The following NRG1 variants were observed in gnomAD, a reference collection of about 807,000 sequenced individuals.
NRG1 encodes pro-neuregulin-1, membrane-bound isoform.
NRG1 carries 18 observed loss-of-function variants against 63.8 expected under a neutral mutation model. The ratio of observed to expected loss-of-function variants is 0.28; its 90% CI spans 0.19 to 0.42. The LOEUF is 0.42. Among genes scored for constraint, NRG1 ranks in the 10% least tolerant of loss-of-function variants. The pLI is 1.00. For synonymous variants in NRG1, 302 were observed against 301.3 expected, an observed-to-expected ratio of 1.00 and a Z score of -0.02; for missense variants, 762 against 814.7, an observed-to-expected ratio of 0.94 and a Z score of 0.79.
intron 1 of NRG1, among the ~76,000 whole-genome samples, chr8:32,586,079 C>T (rs1367304332): frequency 2.0e-5 from 3 of 151,494 alleles, no homozygotes; most frequent in African/African-American, 4.8e-5. Context: ...GAGCATAAAG[C>T]TCTTAGAACA....
At chr8:32,092,588 G>C (rs184779059) in intron 1 of NRG1, among the ~76,000 whole-genome samples, 1 of 152,086 alleles carries the variant, frequency 6.6e-6, no homozygotes, top group Non-Finnish European at 1.5e-5. Flanking sequence ...CGGGAGCTCC[G>C]GGCTCAGAAG....
At chr8:32,607,347 G>C (rs539853985) in intron 3 of NRG1, among the ~76,000 whole-genome samples, 1 of 152,130 alleles carries the variant, frequency 6.6e-6, no homozygotes, top group East Asian at 1.9e-4. Context: ...CACTGGCTTG[G>C]TTCAGTGTGT....
intron 1 of NRG1, among the ~76,000 whole-genome samples, chr8:32,286,489 C>T (rs953096646): frequency 6.6e-6 from 1 of 152,166 alleles, no homozygotes; most frequent in Non-Finnish European, 1.5e-5. Context: ...AACTTGATCC[C>T]TACAGTTATA....
At chr8:32,350,992 C>G (rs911053234) in intron 1 of NRG1, among the ~76,000 whole-genome samples, 1 of 152,176 alleles carries the variant, frequency 6.6e-6, no homozygotes, top group African/African-American at 2.4e-5. Flanking sequence ...ACTTCTTACT[C>G]TTTCCATTCC....
intron 1 of NRG1, among the ~76,000 whole-genome samples, chr8:31,676,896 A>G (rs1207550425): frequency 6.6e-6 from 1 of 152,202 alleles, no homozygotes; most frequent in African/African-American, 2.4e-5. Flanking sequence ...AATGCATACA[A>G]AGTGTCTCAC....
At position 32,698,214 on chromosome 8, in the gene NRG1, AAAT is replaced by A. The variant is rs1468749982; in HGVS notation, c.503-29733_503-29731del. Among the ~76,000 whole-genome samples, 204 of 152,220 alleles carry A rather than the reference AAAT, an allele frequency of 1.3e-3. 1 individual carries two copies. Among genetic ancestry groups the A allele is most frequent in the African/African-American group, 4.7e-3 (194 of 41,512 alleles). ...CGAGACTCCATCTCAAAAAAAAAAA[AAAT>A]ATATGAAAAGGTAACAGCAATTTTC... On this transcript the variant is annotated intron_variant, in intron 5 of 11. Coordinates refer to ENST00000356819, the Ensembl canonical transcript of NRG1.
intron 5 of NRG1, among the ~76,000 whole-genome samples, chr8:32,719,627 C>T (rs567446413): frequency 6.6e-6 from 1 of 152,200 alleles, no homozygotes; most frequent in South Asian, 2.1e-4. Flanking sequence ...GAATCAGGAT[C>T]TGAATAAAAT....
chr8:31,990,721 T>C (rs1036519226), intron 1 of NRG1, among the ~76,000 whole-genome samples: 5 of 152,140 alleles, frequency 3.3e-5, no homozygotes, highest in Admixed American at 3.3e-4. Context: ...TCTTCCTTTG[T>C]GGTCATTCTA....
chr8:32,599,923 TA>T (rs372434402), intron 2 of NRG1, among the ~76,000 whole-genome samples: 135 of 152,352 alleles, frequency 8.9e-4, no homozygotes, highest in African/African-American at 3.2e-3. Context: ...CCTCTATTTT[TA>T]CTGGTTGCTT....
At chr8:32,105,813 TTAA>T (rs1012558237) in intron 1 of NRG1, among the ~76,000 whole-genome samples, 1 of 152,176 alleles carries the variant, frequency 6.6e-6, no homozygotes, top group Non-Finnish European at 1.5e-5. Flanking sequence ...TGTATTATCA[TTAA>T]TAATAATTTA....
In NRG1 at chr8:32,760,291, A is replaced by G. The variant is rs752567031; in HGVS notation, c.1144A>G (p.Thr382Ala). The G allele has an allele frequency of 1.6e-5, 26 of 1,614,062 alleles. No homozygotes were observed. The Middle Eastern group carries it at 2.3e-3, about 143-fold the overall frequency. ...AGAAAACAGTAGGCACAGCAGCCCA[A>G]CTGGGGGCCCAAGAGGACGTCTTAA... The change falls in exon 11 of 12, where the codon ACT (threonine) becomes GCT (alanine). Residue 382 changes from threonine (T) to alanine (A), a missense_variant. Thr to Ala is a moderately conservative substitution (Grantham distance 58). Transcript: ENST00000356819.
At position 32,464,281 on chromosome 8, in the gene NRG1, C is replaced by CT. The variant is rs1457866725; in HGVS notation, c.38-131547_38-131546insT. On this transcript the variant is annotated intron_variant, in intron 1 of 10. Transcript: ENST00000519301. The stretch of plus-strand genomic sequence containing the variant: ...TTCCCTAATTTAAACTTATCCCCAC[C>CT]CCCCCCCACCCCACCATGATGTCGT... Among the ~76,000 whole-genome samples, 66 of 122,866 alleles carry CT rather than the reference C, an allele frequency of 5.4e-4. 2 individuals carry two copies. Among genetic ancestry groups the CT allele is most frequent in the Non-Finnish European group, 9.6e-4 (57 of 59,206 alleles). 80.6% of individuals were successfully genotyped at this position (122,866 alleles called of 152,430 possible).
intron 6 of NRG1, among the ~76,000 whole-genome samples, chr8:32,737,979 T>A (rs1201786224): frequency 3.3e-5 from 5 of 152,062 alleles, no homozygotes; most frequent in Admixed American, 2.6e-4. Flanking sequence ...GGCCTGAAAG[T>A]CTCCTTTGAT....
At chr8:31,993,873 T>C (rs1292052585) in intron 1 of NRG1, among the ~76,000 whole-genome samples, 1 of 152,042 alleles carries the variant, frequency 6.6e-6, no homozygotes, top group East Asian at 1.9e-4. Context: ...AGGGATACTA[T>C]GCACCCCACA....
In NRG1 at chr8:32,197,587, C is replaced by G. The variant is rs377028752; in HGVS notation, c.38-398241C>G. Among the ~76,000 whole-genome samples, 27 of 152,338 alleles carry G rather than the reference C, an allele frequency of 1.8e-4. 2 individuals are homozygous for G. The highest frequency in any genetic ancestry group is 6.3e-4 in the African/African-American group (26 of 41,588). On this transcript the variant is annotated intron_variant, in intron 1 of 10. Coordinates refer to the NRG1 transcript ENST00000519301. ...AGTGAGAACTTGGATCAGGTCATCTCTAAGGTTCCTTTCAGTTTTAACCTT... is the reference window on the plus strand; with the variant it reads ...AGTGAGAACTTGGATCAGGTCATCTGTAAGGTTCCTTTCAGTTTTAACCTT...
Position 32,600,828 on chromosome 8 carries a change from A to T in NRG1, c.279-4734A>T, listed in dbSNP as rs1844216356. ...TTTTTAGAAAATAAAAATCCATTGA[A>T]ACACCAACCTTCCTCCAGATCCCTA... On this transcript the variant is annotated intron_variant, in intron 2 of 11. Transcript: ENST00000356819. Among the ~76,000 whole-genome samples the T allele has an allele frequency of 2.0e-5, 3 of 152,258 alleles. No individual in the cohort carries two copies. In the South Asian group the frequency reaches 6.2e-4, roughly 32 times the overall value.
At position 31,836,928 on chromosome 8, in the gene NRG1, C is replaced by T. The variant is rs116789355; in HGVS notation, c.37+197497C>T. Among the ~76,000 whole-genome samples the T allele has an allele frequency of 3.9e-3, 593 of 152,108 alleles. 5 individuals are homozygous for T. The highest frequency in any genetic ancestry group is 0.014 in the African/African-American group (574 of 41,536). On this transcript the variant is annotated intron_variant, in intron 1 of 10. Transcript: ENST00000519301. The stretch of plus-strand genomic sequence containing the variant: ...TCTGTAATCTCTATGCCTTCATCAA[C>T]CTAGTGTGTTACCAAACTGATCAAT...
chr8:32,360,573 T>C (rs1459195081), intron 1 of NRG1, among the ~76,000 whole-genome samples: 1 of 152,222 alleles, frequency 6.6e-6, no homozygotes, highest in South Asian at 2.1e-4. Context: ...ATTTTATAAT[T>C]GTGGAATTTC....
intron 1 of NRG1, among the ~76,000 whole-genome samples, chr8:32,234,440 C>T (rs570894231): frequency 3.6e-4 from 55 of 152,250 alleles, no homozygotes; most frequent in African/African-American, 1.3e-3. Context: ...AGTTTGCTAT[C>T]CTAGGTTTTA....
Sources: gnomAD v4.1 joint callset for allele counts (sites outside exome capture counted in the v4.1 genomes callset) on GRCh38, gnomAD v4.1.1 for gene constraint, MANE v1.5 for transcripts, NCBI Gene and HGNC (gene_info 2026-07-23, HGNC 2026-07-21) for gene names.